The following ALDH1A2 variants were observed in gnomAD, a reference collection of about 807,000 sequenced individuals.
The protein encoded by ALDH1A2 is retinal dehydrogenase 2.
ALDH1A2 carries 27 observed loss-of-function variants against 60.3 expected under a neutral mutation model. The observed-to-expected ratio is 0.45, with a 90% CI of 0.33 to 0.62. The LOEUF (loss-of-function observed/expected upper bound fraction) is 0.62. Ranked by LOEUF, ALDH1A2 falls within the 20% of genes least tolerant of loss-of-function variation. The pLI is 0.02. For synonymous variants in ALDH1A2, 289 were observed against 232.4 expected, an observed-to-expected ratio of 1.24 and a Z score of -2.21; for missense variants, 581 against 643.8, an observed-to-expected ratio of 0.90 and a Z score of 1.06.
chr15:58,060,420 A>C (rs759211836), intron 1 of ALDH1A2, among the ~76,000 whole-genome samples: 2 of 151,798 alleles, frequency 1.3e-5, no homozygotes, highest in African/African-American at 2.4e-5. Flanking sequence ...CAAATGTAGA[A>C]ATTGAAAGTC....
At chr15:58,021,303 C>G (rs1234077737) in intron 1 of ALDH1A2, among the ~76,000 whole-genome samples, 3 of 152,072 alleles carry the variant, frequency 2.0e-5, no homozygotes, top group Non-Finnish European at 2.9e-5. Flanking sequence ...TAGACAGTCA[C>G]ACTTCAAATA....
chr15:58,048,513 G>C (rs1402991706), intron 1 of ALDH1A2, among the ~76,000 whole-genome samples: 1 of 152,048 alleles, frequency 6.6e-6, no homozygotes, highest in African/African-American at 2.4e-5. Flanking sequence ...GACAAGGCCG[G>C]ATCCAAATGA....
At chr15:58,043,715 C>A (rs1313568928) in intron 1 of ALDH1A2, among the ~76,000 whole-genome samples, 3 of 151,948 alleles carry the variant, frequency 2.0e-5, no homozygotes, top group Admixed American at 2.0e-4. Flanking sequence ...CAGCTGGAAA[C>A]CCTCCCTCCC....
At chr15:58,017,124 G>T (rs1895811367) in intron 1 of ALDH1A2, among the ~76,000 whole-genome samples, 1 of 152,086 alleles carries the variant, frequency 6.6e-6, no homozygotes. Flanking sequence ...TTGAGAATCA[G>T]AGTAAACAAT....
Position 57,963,776 on chromosome 15 carries a change from G to C in ALDH1A2, c.1086+109C>G, listed in dbSNP as rs1359401507. 3 of 1,129,220 alleles carry C rather than the reference G, an allele frequency of 2.7e-6. No individual in the cohort carries two copies. In the Admixed American group the frequency reaches 5.7e-5, roughly 21 times the overall value. The allele number at this position is 1,129,220 out of a possible 1,614,324, so 70.0% of individuals were successfully genotyped here. A position where few individuals can be genotyped will look rare whatever the true frequency, so the allele number is the denominator to read the frequency against. On this transcript the variant is annotated intron_variant, in intron 9 of 12. Transcript: ENST00000249750. ...CACGAAGACATGGTGGAGAATAAAGGAGTCAGCCGAAAAGGAAGATGTCGC... is the reference window on the plus strand; with the variant it reads ...CACGAAGACATGGTGGAGAATAAAGCAGTCAGCCGAAAAGGAAGATGTCGC...
At chr15:58,014,533 A>C in intron 1 of ALDH1A2, 1 of 536,092 alleles carries the variant, frequency 1.9e-6, no homozygotes, top group Non-Finnish European at 3.6e-6. Context: ...TAAAGATACA[A>C]ATAAGGATAG....
intron 8 of ALDH1A2, 38 bp from the exon 9 acceptor site, chr15:57,964,107 T>G (rs1893818741): frequency 6.8e-6 from 11 of 1,611,840 alleles, no homozygotes; most frequent in Non-Finnish European, 9.3e-6. Context: ...CCGCTTTGCC[T>G]GGGGAGGGGC....
intron 1 of ALDH1A2, among the ~76,000 whole-genome samples, chr15:58,039,303 A>G (rs1311488125): frequency 6.6e-6 from 1 of 151,676 alleles, no homozygotes; most frequent in African/African-American, 2.4e-5. Context: ...GCCTAGCTCT[A>G]AATCAGCAAA....
intron 4 of ALDH1A2, among the ~76,000 whole-genome samples, chr15:58,007,988 C>G (rs1895513156): frequency 1.3e-5 from 2 of 152,130 alleles, no homozygotes; most frequent in African/African-American, 4.8e-5. Flanking sequence ...ATTCACTAAG[C>G]ACTAGACTAG....
At chr15:58,014,594 G>A (rs899886307) in intron 1 of ALDH1A2, 32 of 468,792 alleles carry the variant, frequency 6.8e-5, no homozygotes, top group African/African-American at 4.4e-4. Flanking sequence ...AAGAGTTATC[G>A]ATAGCCCAAG....
chr15:58,047,547 T>C (rs956672949), intron 1 of ALDH1A2, among the ~76,000 whole-genome samples: 6 of 152,050 alleles, frequency 3.9e-5, no homozygotes, highest in African/African-American at 1.4e-4. Flanking sequence ...AAAAACTGTA[T>C]TGATGATCAT....
intron 7 of ALDH1A2, chr15:57,979,987 C>T (rs1894430140): frequency 4.4e-5 from 15 of 337,708 alleles, no homozygotes; most frequent in South Asian, 4.3e-4. Context: ...AGCTGTCATG[C>T]TCACCTGGCT....
chr15:58,025,343 A>T (rs1896050586), intron 1 of ALDH1A2, among the ~76,000 whole-genome samples: 1 of 152,180 alleles, frequency 6.6e-6, no homozygotes, highest in African/African-American at 2.4e-5. Flanking sequence ...AAAATTGAAA[A>T]CAGAGACATT....
At position 57,955,200 on chromosome 15, in the gene ALDH1A2, G is replaced by C; in HGVS notation, c.1554C>G (p.Ser518=). 2 of 1,614,106 alleles carry C rather than the reference G, an allele frequency of 1.2e-6. No homozygotes were observed. Among genetic ancestry groups the C allele is most frequent in the Non-Finnish European group, 1.7e-6 (2 of 1,179,990 alleles). ...TTCATCCTCCTTCTTGGCCTTCTTA[G>C]GAGTTCTTCTGGGGGATCTTTACTG... The part of the protein sequence containing the change: ...TVTVKIPQKN[S] The change falls in exon 13 of 13, where the codon TCC becomes TCG. Residue 518 remains serine, a synonymous_variant. Coordinates refer to ENST00000249750, the MANE Select transcript of ALDH1A2 (RefSeq NM_003888.4).
intron 12 of ALDH1A2, 59 bp downstream of exon 12, chr15:57,960,711 G>T: frequency 7.0e-7 from 1 of 1,421,184 alleles, no homozygotes; most frequent in Non-Finnish European, 9.9e-7. Flanking sequence ...TTTAAGTACT[G>T]CTCTGTGCTG....
chr15:57,992,649 A>C, intron 7 of ALDH1A2, 56 bp downstream of exon 7: 1 of 1,491,086 alleles, frequency 6.7e-7, no homozygotes, highest in Non-Finnish European at 9.4e-7. Flanking sequence ...TGTTTTTGTA[A>C]CCCCTCAACT....
intron 4 of ALDH1A2, among the ~76,000 whole-genome samples, chr15:57,998,105 A>G (rs1895127576): frequency 6.6e-6 from 1 of 152,068 alleles, no homozygotes; most frequent in African/African-American, 2.4e-5. Flanking sequence ...CTGAACAGGC[A>G]AAAGATGGAA....
chr15:58,008,631 G>A (rs1020412425), intron 4 of ALDH1A2, among the ~76,000 whole-genome samples: 4 of 152,110 alleles, frequency 2.6e-5, no homozygotes, highest in Non-Finnish European at 4.4e-5. Flanking sequence ...CTTCCTCAGA[G>A]CTTTGTAAAT....
At chr15:57,983,217 C>T (rs1249564402) in intron 7 of ALDH1A2, among the ~76,000 whole-genome samples, 1 of 152,128 alleles carries the variant, frequency 6.6e-6, no homozygotes, top group African/African-American at 2.4e-5. Flanking sequence ...AAATATGTAT[C>T]GAGCTTTTAC....
Sources: gnomAD v4.1 joint callset for allele counts (sites outside exome capture counted in the v4.1 genomes callset) on GRCh38, gnomAD v4.1.1 for gene constraint, MANE v1.5 for transcripts, NCBI Gene and HGNC (gene_info 2026-07-23, HGNC 2026-07-21) for gene names.